The following POLR2L variants were observed in gnomAD, a reference collection of about 807,000 sequenced individuals.
The protein encoded by POLR2L is DNA-directed RNA polymerases I, II, and III subunit RPABC5.
A neutral mutation model predicts 6.8 loss-of-function variants in POLR2L; 7 were observed. The ratio of observed to expected loss-of-function variants is 1.03; its 90% CI spans 0.59 to 1.94. The LOEUF (loss-of-function observed/expected upper bound fraction) is 1.94. Among genes scored for constraint, POLR2L ranks in the 30% most tolerant of loss-of-function variants. The probability of loss-of-function intolerance (pLI) is 0.00; values close to 1 mark genes in which losing one functional copy is unlikely to be tolerated. For missense variants in POLR2L, 93 were observed against 86.7 expected, an observed-to-expected ratio of 1.07 and a Z score of -0.29; for synonymous variants, 59 against 39.8, an observed-to-expected ratio of 1.48 and a Z score of -1.82.
At chr11:840,510 T>C in intron 1 of POLR2L, 30 bp from the exon 2 acceptor site, 2 of 1,478,608 alleles carry the variant, frequency 1.4e-6, no homozygotes, top group South Asian at 1.1e-5. Context: ...AGAGGCCAAC[T>C]GAGTTCTCTA....
At chr11:841,081 C>T (rs1436362174) in intron 1 of POLR2L, among the ~76,000 whole-genome samples, 2 of 152,218 alleles carry the variant, frequency 1.3e-5, no homozygotes, top group Non-Finnish European at 2.9e-5. Flanking sequence ...ACACCGATGG[C>T]TCCAATGTGC....
In POLR2L at chr11:840,452, G is replaced by C. The variant is rs745945514; in HGVS notation, c.124C>G (p.Arg42Gly). 1 of 1,611,620 alleles carries C rather than the reference G, an allele frequency of 6.2e-7. No homozygotes were observed. Among genetic ancestry groups the C allele is most frequent in the South Asian group, 1.1e-5 (1 of 91,074 alleles). Residue 42 changes from arginine (R) to glycine (G), a missense_variant, in exon 2 of 2, where the codon CGC becomes GGC. Transcript: ENST00000322028. ...GDALDALGLKRYCCRRMLLAH... is the reference protein window; with the variant it reads ...GDALDALGLKGYCCRRMLLAH... ...AGCAGCATCCGGCGGCAGCAGTAGCGCTTCAGGCCCAGGGCATCCAGCGCA... is the reference window on the plus strand; with the variant it reads ...AGCAGCATCCGGCGGCAGCAGTAGCCCTTCAGGCCCAGGGCATCCAGCGCA...
rs1130324 is a variant in POLR2L at position 840,351 on chromosome 11, G to A, written c.*21C>T. The A allele has an allele frequency of 2.0e-5, 29 of 1,485,962 alleles. No homozygotes were observed. The highest frequency in any genetic ancestry group is 2.7e-5 in the Non-Finnish European group (29 of 1,071,450). The allele number at this position is 1,485,962 out of a possible 1,614,324, so 92.0% of individuals were successfully genotyped here. A position where few individuals can be genotyped will look rare whatever the true frequency, so the allele number is the denominator to read the frequency against. ...CTCAGGGCCCATGGTCAGCACAGCG[G>A]GTGGGTGGGTTCCAGCGTGGTCACT... On this transcript the variant is annotated 3_prime_UTR_variant, in exon 2 of 2. Coordinates refer to ENST00000322028, the MANE Select transcript of POLR2L (RefSeq NM_021128.5).
In POLR2L at chr11:840,038, G is replaced by A. The variant is rs191135967; in HGVS notation, c.*334C>T. ...GAAGGAGGGAACCTCAAAGAGCCCC[G>A]AGATGGAAGGCTCTCCTGGCAGCGC... On this transcript the variant is annotated 3_prime_UTR_variant, in exon 2 of 2. Transcript: ENST00000322028. 855 of 227,892 alleles carry A rather than the reference G, an allele frequency of 3.8e-3. 8 individuals are homozygous for A. The highest frequency in any genetic ancestry group is 0.021 in the South Asian group (195 of 9,340). 14.1% of individuals were successfully genotyped at this position (227,892 alleles called of 1,614,324 possible). A position where few individuals can be genotyped will look rare whatever the true frequency, so the allele number is the denominator to read the frequency against.
At chr11:842,360 C>A in intron 1 of POLR2L, 54 bp downstream of exon 1, 1 of 1,407,580 alleles carries the variant, frequency 7.1e-7, no homozygotes, top group Non-Finnish European at 9.6e-7. Flanking sequence ...CAGCCCCCAG[C>A]CCCGGCCCGC....
chr11:841,906 A>C (rs1846979394), intron 1 of POLR2L, among the ~76,000 whole-genome samples: 1 of 152,190 alleles, frequency 6.6e-6, no homozygotes, highest in South Asian at 2.1e-4. Flanking sequence ...CTCAAAAAAG[A>C]AAAATAAAAT....
At chr11:841,789 C>T (rs990011437) in intron 1 of POLR2L, among the ~76,000 whole-genome samples, 1 of 151,782 alleles carries the variant, frequency 6.6e-6, no homozygotes, top group African/African-American at 2.4e-5. Flanking sequence ...GTCCCAGCTA[C>T]TCGGGAGGCT....
chr11:840,463 A>G lies in POLR2L; in HGVS notation c.113T>C (p.Leu38Pro). ...GCGGCAGCAGTAGCGCTTCAGGCCC[A>G]GGGCATCCAGCGCATCCCTGTGTCG... ...EYTEGDALDA[L>P]GLKRYCCRRM... is the part of the protein sequence containing the mutation. The change falls in exon 2 of 2, where the codon CTG (leucine) becomes CCG (proline). Residue 38 changes from leucine to proline, a missense_variant. Leu to Pro is a moderately conservative substitution (Grantham distance 98). Transcript: ENST00000322028. 2 of 1,610,910 alleles carry G rather than the reference A, an allele frequency of 1.2e-6. No homozygotes were observed. Among genetic ancestry groups the G allele is most frequent in the Non-Finnish European group, 1.7e-6 (2 of 1,179,042 alleles).
At chr11:841,845 G>A (rs1456858681) in intron 1 of POLR2L, among the ~76,000 whole-genome samples, 2 of 151,702 alleles carry the variant, frequency 1.3e-5, no homozygotes, top group Admixed American at 6.6e-5. Context: ...GTTGCAGTGA[G>A]CCGAGATCGC....
intron 1 of POLR2L, 135 bp from the exon 2 acceptor site, chr11:840,615 G>C: frequency 1.6e-6 from 1 of 633,398 alleles, no homozygotes; most frequent in Non-Finnish European, 2.8e-6. Flanking sequence ...AGATTCACCC[G>C]GCTCAGAAGC....
Position 840,243 on chromosome 11 carries a change from T to G in POLR2L, c.*129A>C, listed in dbSNP as rs1846924608. The G allele has an allele frequency of 7.7e-6, 5 of 647,366 alleles. No homozygotes were observed. Among genetic ancestry groups the G allele is most frequent in the East Asian group, 2.8e-5 (1 of 36,060 alleles). The allele number at this position is 647,366 out of a possible 1,614,324, so 40.1% of individuals were successfully genotyped here. ...CTTTACTGGATGGTTCCTTCCAGAGTGGGGTATCGGATACACACACACTGC... is the reference window on the plus strand; with the variant it reads ...CTTTACTGGATGGTTCCTTCCAGAGGGGGGTATCGGATACACACACACTGC... On this transcript the variant is annotated 3_prime_UTR_variant, in exon 2 of 2. Coordinates refer to ENST00000322028, the MANE Select transcript of POLR2L (RefSeq NM_021128.5).
intron 1 of POLR2L, 24 bp from the exon 2 acceptor site, chr11:840,504 GC>G: frequency 6.6e-7 from 1 of 1,504,698 alleles, no homozygotes; most frequent in African/African-American, 1.4e-5. Context: ...AGGAGCAGAG[GC>G]CAACTGAGTT....
chr11:842,221 A>C (rs1846990722), intron 1 of POLR2L, among the ~76,000 whole-genome samples, 193 bp downstream of exon 1: 1 of 152,216 alleles, frequency 6.6e-6, no homozygotes, highest in African/African-American at 2.4e-5. Flanking sequence ...CCCAGACTTC[A>C]GGGGATAAGG....
chr11:842,468 AC>A lies in POLR2L; in HGVS notation c.40del (p.Val14SerfsTer27), dbSNP rs764084825. The A allele has an allele frequency of 1.3e-6, 2 of 1,596,202 alleles. No homozygotes were observed. Among genetic ancestry groups the A allele is most frequent in the African/African-American group, 2.8e-5 (2 of 72,412 alleles). ...PVRCFTCGKI[V>X]GNKWEAYLGL... ...CAGGTAAGCCTCCCACTTGTTGCCG[AC>A]GATCTTGCCACAAGTGAAGCAGCGT... On this transcript the variant is annotated frameshift_variant, in exon 1 of 2. Transcript: ENST00000322028. LOFTEE classifies it high-confidence loss of function.
In POLR2L at chr11:840,340, T is replaced by C. The variant is rs1330290345; in HGVS notation, c.*32A>G. The C allele has an allele frequency of 1.2e-5, 17 of 1,407,852 alleles. No homozygotes were observed. Among genetic ancestry groups the C allele is most frequent in the Non-Finnish European group, 1.7e-5 (17 of 1,005,222 alleles). 87.2% of individuals were successfully genotyped at this position (1,407,852 alleles called of 1,614,324 possible). A position where few individuals can be genotyped will look rare whatever the true frequency, so the allele number is the denominator to read the frequency against. On this transcript the variant is annotated 3_prime_UTR_variant, in exon 2 of 2. Transcript: ENST00000322028. ...GGGGCAGGACGCTCAGGGCCCATGG[T>C]CAGCACAGCGGGTGGGTGGGTTCCA...
rs568374295 is a variant in POLR2L, at chr11:841,758, G to C, written c.95+656C>G. ...TACTGAAAATACAAAAATTAGCCGG[G>C]CGTGGTGGCACACGCCTGTAGTCCC... On this transcript the variant is annotated intron_variant, in intron 1 of 1. Transcript: ENST00000322028. 2.0e-5 allele frequency among the ~76,000 whole-genome samples: 3 copies of C among 152,196 alleles called. No homozygotes were observed. In the South Asian group the frequency reaches 6.2e-4, roughly 32 times the overall value.
chr11:840,569 G>C (rs1438093433), intron 1 of POLR2L, 89 bp from the exon 2 acceptor site: 2 of 853,458 alleles, frequency 2.3e-6, no homozygotes, highest in Admixed American at 2.4e-5. Context: ...CTCACTGCCT[G>C]CTGGCCTCAC....
At chr11:842,271 C>A (rs1846992736) in intron 1 of POLR2L, 143 bp downstream of exon 1, 2 of 491,548 alleles carry the variant, frequency 4.1e-6, no homozygotes, top group Non-Finnish European at 7.1e-6. Context: ...CTGGAGAAGC[C>A]GGGCCTGAAG....
intron 1 of POLR2L, 117 bp downstream of exon 1, chr11:842,297 T>G (rs1047024791): frequency 1.7e-5 from 10 of 598,716 alleles, no homozygotes; most frequent in Middle Eastern, 4.1e-4. Flanking sequence ...CATGGGGCGC[T>G]GGCCTCAGGC....
Sources: gnomAD v4.1 joint callset for allele counts (sites outside exome capture counted in the v4.1 genomes callset) on GRCh38, gnomAD v4.1.1 for gene constraint, MANE v1.5 for transcripts, NCBI Gene and HGNC (gene_info 2026-07-23, HGNC 2026-07-21) for gene names.